Variants in RPS6KA2 observed in about 807,000 individuals in gnomAD.
The protein encoded by RPS6KA2 is ribosomal protein S6 kinase alpha-2.
RPS6KA2 carries 42 observed loss-of-function variants against 91.8 expected under a neutral mutation model. The observed-to-expected ratio is 0.46, with a 90% confidence interval of 0.36 to 0.59. The LOEUF (loss-of-function observed/expected upper bound fraction) is 0.59. Ranked by LOEUF, RPS6KA2 falls within the 20% of genes least tolerant of loss-of-function variation. The pLI is 0.00. For synonymous variants in RPS6KA2, 414 were observed against 393.6 expected (o/e 1.05, Z -0.61); for missense variants, 798 against 978.5 (o/e 0.82, Z 2.46).
intron 14 of RPS6KA2, among the ~76,000 whole-genome samples, chr6:166,442,160 C>T (rs1393641300): frequency 3.3e-5 from 5 of 152,370 alleles, no homozygotes; most frequent in African/African-American, 7.2e-5. Context: ...ATGGATTTTT[C>T]TTGCAGGTCC....
At chr6:166,414,773 A>G (rs529744567) in intron 19 of RPS6KA2, among the ~76,000 whole-genome samples, 2 of 152,354 alleles carry the variant, frequency 1.3e-5, no homozygotes, top group African/African-American at 4.8e-5. Flanking sequence ...AATAAAATGA[A>G]TTAGAATGCG....
At chr6:166,474,432 A>G (rs1472477705) in intron 10 of RPS6KA2, among the ~76,000 whole-genome samples, 4 of 152,150 alleles carry the variant, frequency 2.6e-5, no homozygotes, top group Non-Finnish European at 5.9e-5. Context: ...CAGCACATCG[A>G]ATTCCTTTCT....
intron 3 of RPS6KA2, among the ~76,000 whole-genome samples, chr6:166,518,415 T>C (rs942886636): frequency 2.0e-5 from 3 of 151,820 alleles, no homozygotes; most frequent in Admixed American, 2.0e-4. Flanking sequence ...TCAAAAAGAT[T>C]ATAAAATTAA....
chr6:166,439,167 G>T (rs903709133), intron 14 of RPS6KA2, among the ~76,000 whole-genome samples: 1 of 152,022 alleles, frequency 6.6e-6, no homozygotes, highest in African/African-American at 2.4e-5. Context: ...GGAGTGCATG[G>T]CACAATCTCG....
intron 2 of RPS6KA2, among the ~76,000 whole-genome samples, chr6:166,780,560 C>A (rs539543615): frequency 6.6e-6 from 1 of 152,092 alleles, no homozygotes. Context: ...CTGGCAAATG[C>A]GTATACCACA....
At chr6:166,426,934 C>T (rs1428446327) in intron 16 of RPS6KA2, among the ~76,000 whole-genome samples, 3 of 149,132 alleles carry the variant, frequency 2.0e-5, no homozygotes, top group South Asian at 2.1e-4. Context: ...AGAGGGAATC[C>T]TCCCTAACTC....
chr6:166,797,056 T>C (rs1194208796), intron 2 of RPS6KA2, among the ~76,000 whole-genome samples: 3 of 152,212 alleles, frequency 2.0e-5, no homozygotes, highest in Admixed American at 6.5e-5. Flanking sequence ...AGCAAAGCAG[T>C]CACAGCACTG....
rs1043326244 is a variant in RPS6KA2 at position 166,545,371 on chromosome 6, G to A, written c.100-6587C>T. Among the ~76,000 whole-genome samples, 3 of 152,320 alleles carry A rather than the reference G, an allele frequency of 2.0e-5. No homozygotes were observed. In the East Asian group the frequency reaches 5.8e-4, roughly 29 times the overall value. ...GGTCACTGCAGTCACCGCATGCACAGTGACAATCTAGGAGTGGGCTGGCTG... is the reference window on the plus strand; with the variant it reads ...GGTCACTGCAGTCACCGCATGCACAATGACAATCTAGGAGTGGGCTGGCTG... On this transcript the variant is annotated intron_variant, in intron 1 of 20. Transcript: ENST00000265678.
In RPS6KA2 at chr6:166,626,584, C is replaced by G. The variant is rs973305607; in HGVS notation, c.99+337G>C. Among the ~76,000 whole-genome samples, 6 of 152,302 alleles carry G rather than the reference C, an allele frequency of 3.9e-5. No homozygotes were observed. The highest frequency in any genetic ancestry group is 1.2e-4 in the African/African-American group (5 of 41,590). Reference sequence around the variant, plus strand: ...CCGCGGAGCGCTCCGCGCCACTCGGCGGTCTAGCTGCAGAGAAAGCCCCTC... The same window carrying G: ...CCGCGGAGCGCTCCGCGCCACTCGGGGGTCTAGCTGCAGAGAAAGCCCCTC... On this transcript the variant is annotated intron_variant, in intron 1 of 20. Coordinates refer to ENST00000265678, the MANE Select transcript of RPS6KA2 (RefSeq NM_021135.6). This position sits in a 1 kb window ranked among gnomAD's most constrained non-coding sequence, Gnocchi z 4.1.
rs79412409 is a variant in RPS6KA2 at position 166,677,906 on chromosome 6, T to A, written c.124-139122A>T. ...TGCTTCCACATGTGCTTGCATTTTT[T>A]ATGATAAAACTCATCTTTTTTAAAG... On this transcript the variant is annotated intron_variant, in intron 2 of 21. Coordinates refer to the RPS6KA2 transcript ENST00000503859. Among the ~76,000 whole-genome samples, 1,212 of 152,324 alleles carry A rather than the reference T, an allele frequency of 8.0e-3. 13 individuals carry two copies. The highest frequency in any genetic ancestry group is 0.028 in the African/African-American group (1,160 of 41,576).
At position 166,517,837 on chromosome 6, in the gene RPS6KA2, C is replaced by T. The variant is rs555452076; in HGVS notation, c.299-7480G>A. 3.9e-5 allele frequency among the ~76,000 whole-genome samples: 6 copies of T among 152,200 alleles called. No individual in the cohort carries two copies. In the South Asian group the frequency reaches 8.3e-4, roughly 21 times the overall value. On this transcript the variant is annotated intron_variant, in intron 3 of 20. Coordinates refer to ENST00000265678, the MANE Select transcript of RPS6KA2 (RefSeq NM_021135.6). Reference sequence around the variant, plus strand: ...GCGATCTGTGCCTTAAGGACCTGTTCCTGCTGCAGATAACTAGCCAGTGCC... The same window carrying T: ...GCGATCTGTGCCTTAAGGACCTGTTTCTGCTGCAGATAACTAGCCAGTGCC...
intron 2 of RPS6KA2, among the ~76,000 whole-genome samples, chr6:166,746,230 T>C (rs1791005615): frequency 6.6e-6 from 1 of 152,152 alleles, no homozygotes; most frequent in Admixed American, 6.5e-5. Flanking sequence ...AACACCGAGC[T>C]TTCCTCTGAG....
chr6:166,689,284 G>A (rs1238082997), intron 2 of RPS6KA2, among the ~76,000 whole-genome samples: 1 of 152,232 alleles, frequency 6.6e-6, no homozygotes, highest in Non-Finnish European at 1.5e-5. Context: ...ACACCAAGAT[G>A]AACTCAAGGC....
At chr6:166,638,837 C>T (rs554421842) in intron 2 of RPS6KA2, among the ~76,000 whole-genome samples, 1 of 152,262 alleles carries the variant, frequency 6.6e-6, no homozygotes, top group South Asian at 2.1e-4. Flanking sequence ...AGGCTCATTA[C>T]CAAGACGTGT....
intron 2 of RPS6KA2, among the ~76,000 whole-genome samples, chr6:166,801,444 G>C (rs1328178337): frequency 2.6e-5 from 4 of 152,186 alleles, no homozygotes; most frequent in Admixed American, 6.5e-5. Context: ...ATAGGCTAAA[G>C]TGATCATCCT....
At chr6:166,816,711 C>T (rs1368742910) in intron 2 of RPS6KA2, among the ~76,000 whole-genome samples, 1 of 152,168 alleles carries the variant, frequency 6.6e-6, no homozygotes, top group African/African-American at 2.4e-5. Context: ...ATGTGTTACT[C>T]CACAGGAAGT....
At chr6:166,736,990 G>A (rs1419713235) in intron 2 of RPS6KA2, among the ~76,000 whole-genome samples, 1 of 152,128 alleles carries the variant, frequency 6.6e-6, no homozygotes, top group African/African-American at 2.4e-5. Context: ...TGCAGGGGGT[G>A]GGGAGGGAGG....
intron 2 of RPS6KA2, among the ~76,000 whole-genome samples, chr6:166,760,761 G>A (rs1012621424): frequency 5.9e-5 from 9 of 152,240 alleles, no homozygotes; most frequent in African/African-American, 1.9e-4. Context: ...TGGGGGAAAT[G>A]GAGGCACAAA....
intron 2 of RPS6KA2, among the ~76,000 whole-genome samples, chr6:166,651,811 G>T (rs552424463): frequency 6.6e-6 from 1 of 152,220 alleles, no homozygotes; most frequent in Admixed American, 6.5e-5. Flanking sequence ...CTTTCCATCT[G>T]ATCCCATTTG....
Sources: allele counts gnomAD v4.1 joint callset (sites outside exome capture counted in the v4.1 genomes callset), GRCh38; gene constraint gnomAD v4.1.1; non-coding constraint Gnocchi (gnomAD v3.1); transcripts MANE v1.5; gene names NCBI Gene and HGNC (gene_info 2026-07-23, HGNC 2026-07-21).